NRG1: variants seen among roughly 807,000 people sequenced by gnomAD.
The protein encoded by NRG1 is pro-neuregulin-1, membrane-bound isoform.
In NRG1, 18 loss-of-function variants were observed where a neutral mutation model predicts 63.8. The ratio of observed to expected loss-of-function variants is 0.28; its 90% CI spans 0.19 to 0.42. The LOEUF is 0.42. NRG1 is among the 10% of genes least tolerant of loss of function. NRG1 has a pLI of 1.00. For missense variants in NRG1, 762 were observed against 814.7 expected (o/e 0.94, Z 0.79); for synonymous variants, 302 against 301.3 (o/e 1.00, Z -0.02).
At chr8:31,885,212 A>G (rs1830629498) in intron 1 of NRG1, among the ~76,000 whole-genome samples, 1 of 152,128 alleles carries the variant, frequency 6.6e-6, no homozygotes, top group Non-Finnish European at 1.5e-5. Context: ...TTAAGCAAAT[A>G]ATTTTAAGAT....
chr8:32,055,953 G>A (rs753204285), intron 1 of NRG1, among the ~76,000 whole-genome samples: 2 of 152,064 alleles, frequency 1.3e-5, no homozygotes, highest in Non-Finnish European at 1.5e-5. Context: ...TTCACATATT[G>A]TATTAAATAC....
At chr8:31,772,792 G>A (rs553584719) in intron 1 of NRG1, among the ~76,000 whole-genome samples, 44 of 152,276 alleles carry the variant, frequency 2.9e-4, no homozygotes, top group South Asian at 1.5e-3. Context: ...AAAAAATTCT[G>A]GACTGAGATG....
At chr8:32,116,472 G>A (rs942642309) in intron 1 of NRG1, among the ~76,000 whole-genome samples, 12 of 152,122 alleles carry the variant, frequency 7.9e-5, no homozygotes, top group African/African-American at 2.4e-4. Context: ...CTGATGAGCT[G>A]ATTAAATATC....
intron 7 of NRG1, among the ~76,000 whole-genome samples, chr8:32,743,881 A>G (rs1826951295): frequency 6.6e-6 from 1 of 152,054 alleles, no homozygotes; most frequent in South Asian, 2.1e-4. Flanking sequence ...TTGTGGTGAC[A>G]CCATCACTGT....
chr8:32,023,610 T>C (rs888385039), intron 1 of NRG1, among the ~76,000 whole-genome samples: 4 of 152,108 alleles, frequency 2.6e-5, no homozygotes, highest in African/African-American at 9.7e-5. Flanking sequence ...CTCCAGTCCT[T>C]CCAGATTGTG....
chr8:31,784,911 T>C (rs1163856820), intron 1 of NRG1, among the ~76,000 whole-genome samples: 1 of 152,186 alleles, frequency 6.6e-6, no homozygotes, highest in Non-Finnish European at 1.5e-5. Flanking sequence ...GCTTCCAATG[T>C]TGTGTATTTC....
intron 1 of NRG1, among the ~76,000 whole-genome samples, chr8:32,260,790 T>G (rs1850277709): frequency 6.6e-6 from 1 of 152,168 alleles, no homozygotes; most frequent in African/African-American, 2.4e-5. Flanking sequence ...GTATATGGCC[T>G]TCGGCACCCA....
intron 1 of NRG1, among the ~76,000 whole-genome samples, chr8:31,858,641 T>C (rs988248361): frequency 6.6e-6 from 1 of 152,122 alleles, no homozygotes; most frequent in Non-Finnish European, 1.5e-5. Flanking sequence ...TGCTTGGTGG[T>C]CTGCTGCTGG....
At chr8:31,759,382 G>T (rs865833204) in intron 1 of NRG1, among the ~76,000 whole-genome samples, 17 of 150,940 alleles carry the variant, frequency 1.1e-4, no homozygotes, top group South Asian at 4.2e-4. Context: ...ATACATTTAT[G>T]GCTTATATAA....
At chr8:31,745,377 C>G (rs1165758032) in intron 1 of NRG1, among the ~76,000 whole-genome samples, 1 of 151,974 alleles carries the variant, frequency 6.6e-6, no homozygotes, top group South Asian at 2.1e-4. Flanking sequence ...GTCGTGGCGG[C>G]CACTGTAAAA....
intron 1 of NRG1, among the ~76,000 whole-genome samples, chr8:31,818,908 A>T (rs1041008060): frequency 5.9e-5 from 9 of 152,026 alleles, no homozygotes; most frequent in Non-Finnish European, 1.0e-4. Context: ...ATACAAAAAA[A>T]TAGCCGGGCG....
At chr8:31,682,001 C>T (rs1240544766) in intron 1 of NRG1, among the ~76,000 whole-genome samples, 1 of 152,108 alleles carries the variant, frequency 6.6e-6, no homozygotes, top group Non-Finnish European at 1.5e-5. Flanking sequence ...GCTCTTAGTG[C>T]TGTGCATTCT....
intron 5 of NRG1, among the ~76,000 whole-genome samples, chr8:32,643,342 C>G (rs1330342086): frequency 6.6e-6 from 1 of 152,180 alleles, no homozygotes; most frequent in Non-Finnish European, 1.5e-5. Flanking sequence ...CAGGCACAGA[C>G]TTTTAAGAGA....
intron 1 of NRG1, among the ~76,000 whole-genome samples, chr8:32,367,883 A>G (rs984218440): frequency 6.6e-6 from 1 of 152,146 alleles, no homozygotes; most frequent in African/African-American, 2.4e-5. Context: ...TCATTCTTCT[A>G]CATATGGATG....
chr8:32,047,306 G>A (rs1586719420), intron 1 of NRG1, among the ~76,000 whole-genome samples: 1 of 151,982 alleles, frequency 6.6e-6, no homozygotes, highest in Non-Finnish European at 1.5e-5. Context: ...TTTTGTAGGC[G>A]AGGATGAATT....
chr8:31,737,640 A>G (rs1420303334), intron 1 of NRG1, among the ~76,000 whole-genome samples: 1 of 152,146 alleles, frequency 6.6e-6, no homozygotes, highest in Non-Finnish European at 1.5e-5. Flanking sequence ...TAAGCTGCCT[A>G]TCAGAGAATT....
At chr8:31,664,299 C>T (rs1302302288) in intron 1 of NRG1, among the ~76,000 whole-genome samples, 3 of 152,118 alleles carry the variant, frequency 2.0e-5, no homozygotes, top group Non-Finnish European at 4.4e-5. Context: ...TGTTGGACTT[C>T]TTTGAAGACA....
intron 7 of NRG1, chr8:32,748,769 A>AT (rs1828072842): frequency 2.2e-6 from 1 of 451,974 alleles, no homozygotes; most frequent in Admixed American, 2.4e-5. Context: ...TTTCCCACTT[A>AT]TTTTTTTCCT....
chr8:32,453,838 G>C (rs1821279769), intron 1 of NRG1, among the ~76,000 whole-genome samples: 1 of 152,162 alleles, frequency 6.6e-6, no homozygotes, highest in South Asian at 2.1e-4. Flanking sequence ...TCCCCAGTCA[G>C]CTGCAGCTCA....
Sources: allele counts gnomAD v4.1 joint callset (sites outside exome capture counted in the v4.1 genomes callset), GRCh38; gene constraint gnomAD v4.1.1; transcripts MANE v1.5; gene names NCBI Gene and HGNC (gene_info 2026-07-23, HGNC 2026-07-21).